The following PLCH1 variants were observed in gnomAD, a reference collection of about 807,000 sequenced individuals.
PLCH1 encodes the protein 1-phosphatidylinositol 4,5-bisphosphate phosphodiesterase eta-1.
PLCH1 carries 60 observed loss-of-function variants against 126.7 expected under a neutral mutation model. That is an observed-to-expected ratio of 0.47 (90% CI 0.38 to 0.59). PLCH1 has a LOEUF of 0.59. PLCH1 is among the 20% of genes least tolerant of loss of function. The pLI is 0.00. For missense variants in PLCH1, 1,723 were observed against 2,040.0 expected, an observed-to-expected ratio of 0.84 and a Z score of 2.99; for synonymous variants, 719 against 734.9, an observed-to-expected ratio of 0.98 and a Z score of 0.35.
Position 155,511,821 on chromosome 3 carries a change from C to T in PLCH1, c.1632+2902G>A. On this transcript the variant is annotated intron_variant, in intron 12 of 22. Coordinates refer to ENST00000460012, the MANE Select transcript of PLCH1 (RefSeq NM_014996.4). ...TGTCTGTTTGTTTGTCTGTGCCCTGCCCCCAGAGGTGGAGCCTACAGAGGC... is the reference window on the plus strand; with the variant it reads ...TGTCTGTTTGTTTGTCTGTGCCCTGTCCCCAGAGGTGGAGCCTACAGAGGC... Among the ~76,000 whole-genome samples, 2 of 151,498 alleles carry T rather than the reference C, an allele frequency of 1.3e-5. 1 individual carries two copies. The highest frequency in any genetic ancestry group is 4.2e-4 in the South Asian group (2 of 4,806).
In PLCH1 at chr3:155,630,069, T is replaced by A. The variant is rs1026267063; in HGVS notation, c.80-33691A>T. On this transcript the variant is annotated intron_variant, in intron 2 of 22. Transcript: ENST00000460012. ...AATGTAAGCTCCGTAAGGACAGAAA[T>A]GTTTTATCATCCCATGATTTTCTGT... 9.2e-5 allele frequency among the ~76,000 whole-genome samples: 14 copies of A among 152,188 alleles called. 1 individual carries two copies. Among genetic ancestry groups the A allele is most frequent in the Non-Finnish European group, 1.5e-5 (1 of 68,030 alleles).
chr3:155,588,820 C>T (rs145091179), intron 4 of PLCH1, among the ~76,000 whole-genome samples: 1 of 152,276 alleles, frequency 6.6e-6, no homozygotes, highest in Non-Finnish European at 1.5e-5. Context: ...ACTCATATCA[C>T]CTCCTGGAGC....
chr3:155,473,807 G>C (rs1437897238), intron 21 of PLCH1, among the ~76,000 whole-genome samples: 2,441 of 136,492 alleles, frequency 0.018, 54 homozygotes, highest in African/African-American at 0.06. Flanking sequence ...ACAAACCTGA[G>C]AAAAACAAGC....
Position 155,523,918 on chromosome 3 carries a change from C to G in PLCH1, c.1449G>C (p.Glu483Asp). Reference sequence around the variant, plus strand: ...TTACATAATGGAGCTTGAATTTGCACTCGTCTTCAATTTCATCTGCACTGT... The same window carrying G: ...TTACATAATGGAGCTTGAATTTGCAGTCGTCTTCAATTTCATCTGCACTGT... The part of the protein sequence containing the change: ...DEDSADEIED[E>D]CKFKLHYSNG... The change falls in exon 11 of 23, where the codon GAG becomes GAC. Residue 483 changes from glutamate (E) to aspartate (D), a missense_variant. Physicochemically the swap from Glu to Asp is conservative, Grantham distance 45. Transcript: ENST00000460012. 1 of 1,598,788 alleles carries G rather than the reference C, an allele frequency of 6.3e-7. No individual in the cohort carries two copies. Among genetic ancestry groups the G allele is most frequent in the Non-Finnish European group, 8.5e-7 (1 of 1,170,498 alleles).
At chr3:155,486,406 C>G (rs1715105239) in intron 21 of PLCH1, among the ~76,000 whole-genome samples, 1 of 151,072 alleles carries the variant, frequency 6.6e-6, no homozygotes, top group Admixed American at 6.6e-5. Flanking sequence ...CCGAACACAT[C>G]TTGAAAGGAA....
intron 21 of PLCH1, among the ~76,000 whole-genome samples, chr3:155,470,829 C>T (rs1308342417): frequency 6.6e-6 from 1 of 151,912 alleles, no homozygotes; most frequent in Admixed American, 6.6e-5. Context: ...CCAAACTAAG[C>T]TTCATAAGTG....
intron 10 of PLCH1, among the ~76,000 whole-genome samples, chr3:155,537,232 A>AAAAAAAAAAG: frequency 5.9e-5 from 1 of 17,056 alleles, no homozygotes; most frequent in African/African-American, 1.1e-4. Context: ...AAAAAAAAAA[A>AAAAAAAAAAG]ACCTAAAAGG....
intron 2 of PLCH1, among the ~76,000 whole-genome samples, chr3:155,698,766 A>C (rs1042828099): frequency 2.0e-5 from 3 of 152,190 alleles, no homozygotes; most frequent in African/African-American, 7.2e-5. Context: ...CCCTCTGTCT[A>C]AATCTTCACC....
chr3:155,709,623 T>C (rs1418104469), intron 1 of PLCH1, among the ~76,000 whole-genome samples: 4 of 152,188 alleles, frequency 2.6e-5, no homozygotes, highest in African/African-American at 2.4e-5. Context: ...CATTCATTCA[T>C]TTATTTATTT....
intron 1 of PLCH1, among the ~76,000 whole-genome samples, chr3:155,729,779 A>T (rs568566438): frequency 7.9e-5 from 12 of 152,218 alleles, no homozygotes; most frequent in Middle Eastern, 3.4e-3. Context: ...TTCAAATGTT[A>T]TCTGGGCAAG....
chr3:155,547,930 C>A (rs1725597099), intron 10 of PLCH1, among the ~76,000 whole-genome samples: 1 of 150,150 alleles, frequency 6.7e-6, no homozygotes, highest in South Asian at 2.1e-4. Flanking sequence ...AGGAGATATA[C>A]CTAATGCTAA....
intron 11 of PLCH1, among the ~76,000 whole-genome samples, chr3:155,519,842 T>A (rs1720850285): frequency 1.3e-5 from 2 of 151,576 alleles, no homozygotes; most frequent in Non-Finnish European, 2.9e-5. Context: ...TCCCCCCAAT[T>A]TTTTTTTCCT....
chr3:155,572,515 T>G (rs929662984), intron 6 of PLCH1, among the ~76,000 whole-genome samples: 4 of 152,198 alleles, frequency 2.6e-5, no homozygotes, highest in African/African-American at 7.2e-5. Context: ...TTTGCCTCTT[T>G]GTGGATCTTT....
At chr3:155,671,780 T>C (rs1235194933) in intron 2 of PLCH1, among the ~76,000 whole-genome samples, 1 of 152,088 alleles carries the variant, frequency 6.6e-6, no homozygotes, top group African/African-American at 2.4e-5. Context: ...AGAAAATCAA[T>C]AATTAATATC....
intron 10 of PLCH1, among the ~76,000 whole-genome samples, chr3:155,532,762 C>A (rs902248838): frequency 2.0e-5 from 3 of 152,200 alleles, no homozygotes; most frequent in African/African-American, 7.2e-5. Context: ...TCAATTAAAC[C>A]TCTTTCCTCT....
chr3:155,599,068 A>G (rs576403271), intron 2 of PLCH1, among the ~76,000 whole-genome samples: 6 of 134,206 alleles, frequency 4.5e-5, no homozygotes, highest in Admixed American at 4.3e-4. Context: ...ACCTTTTTCA[A>G]GCCAGGAAAA....
At chr3:155,665,702 A>G (rs1271694781) in intron 2 of PLCH1, among the ~76,000 whole-genome samples, 2 of 152,206 alleles carry the variant, frequency 1.3e-5, no homozygotes, top group East Asian at 3.8e-4. Flanking sequence ...GTGAGCCGGC[A>G]AAATATTTTC....
intron 7 of PLCH1, among the ~76,000 whole-genome samples, chr3:155,566,103 ATATATATACATATATATATG>A (rs1173776525): frequency 2.0e-4 from 16 of 80,300 alleles, no homozygotes; most frequent in Non-Finnish European, 4.1e-4. Flanking sequence ...ATAACCTAAT[ATATATATACATATATATATG>A]TATATATACA....
chr3:155,543,827 C>G (rs889367915), intron 10 of PLCH1, among the ~76,000 whole-genome samples: 2 of 151,216 alleles, frequency 1.3e-5, no homozygotes, highest in African/African-American at 4.9e-5. Context: ...ACTTTACAGA[C>G]AAGCAAATGC....
Sources: gnomAD v4.1 joint callset for allele counts (sites outside exome capture counted in the v4.1 genomes callset) on GRCh38, gnomAD v4.1.1 for gene constraint, MANE v1.5 for transcripts, NCBI Gene and HGNC (gene_info 2026-07-23, HGNC 2026-07-21) for gene names.